PLPPR1: variants seen among roughly 807,000 people sequenced by gnomAD.
PLPPR1 encodes the protein phospholipid phosphatase-related protein type 1.
In PLPPR1, 10 loss-of-function variants were observed where a neutral mutation model predicts 33.1. The observed-to-expected ratio is 0.30, with a 90% CI of 0.19 to 0.51. The LOEUF is 0.51. PLPPR1 is among the 20% of genes least tolerant of loss of function. The probability of loss-of-function intolerance (pLI) is 0.97; values close to 1 mark genes in which losing one functional copy is unlikely to be tolerated. For synonymous variants in PLPPR1, 151 were observed against 151.0 expected (o/e 1.00, Z 0.00); for missense variants, 304 against 408.1 (o/e 0.74, Z 2.20).
chr9:101,233,071 C>G (rs1360698743), intron 2 of PLPPR1, among the ~76,000 whole-genome samples: 2 of 151,996 alleles, frequency 1.3e-5, no homozygotes, highest in East Asian at 3.9e-4. Flanking sequence ...ATACATAGGA[C>G]TAATCTTTCC....
intron 1 of PLPPR1, among the ~76,000 whole-genome samples, chr9:101,036,437 T>C (rs1287977529): frequency 6.6e-6 from 1 of 152,106 alleles, no homozygotes; most frequent in Non-Finnish European, 1.5e-5. Context: ...TATTTATCTC[T>C]TTGTCTTAGG....
In PLPPR1 at chr9:101,131,492, G is replaced by A. The variant is rs539942189; in HGVS notation, c.-45-53958G>A. On this transcript the variant is annotated intron_variant, in intron 1 of 7. Transcript: ENST00000374874. ...GGGGCCACCTGAGGAGGACTTTTAG[G>A]ACTCAGAAGTTCTATTAGGGAAGTA... 4.6e-5 allele frequency: 7 copies of A among 152,300 alleles called. No homozygotes were observed. The East Asian group carries it at 1.2e-3, about 25-fold the overall frequency. 9.4% of individuals were successfully genotyped at this position (152,300 alleles called of 1,614,324 possible).
At chr9:101,109,692 A>T (rs1290715968) in intron 1 of PLPPR1, among the ~76,000 whole-genome samples, 1 of 152,230 alleles carries the variant, frequency 6.6e-6, no homozygotes, top group Non-Finnish European at 1.5e-5. Flanking sequence ...GCAAGATCTT[A>T]TAATTTAGTA....
At chr9:101,290,952 G>A (rs1034868020) in intron 4 of PLPPR1, among the ~76,000 whole-genome samples, 24 of 152,302 alleles carry the variant, frequency 1.6e-4, no homozygotes, top group African/African-American at 5.1e-4. Flanking sequence ...TGGGTGCAGC[G>A]CACCAAGCGC....
At chr9:101,237,844 ATG>A (rs201614576) in intron 2 of PLPPR1, among the ~76,000 whole-genome samples, 7,762 of 105,916 alleles carry the variant, frequency 0.073, 347 homozygotes, top group South Asian at 0.21. Flanking sequence ...TATGCTATAT[ATG>A]TGTGTGTGTA....
intron 1 of PLPPR1, among the ~76,000 whole-genome samples, chr9:101,128,792 C>T (rs576834847): frequency 1.3e-5 from 2 of 152,272 alleles, no homozygotes; most frequent in South Asian, 4.1e-4. Flanking sequence ...ACATAACCCT[C>T]TGTGATGAGG....
intron 1 of PLPPR1, among the ~76,000 whole-genome samples, chr9:101,176,661 G>C (rs975873787): frequency 1.3e-5 from 2 of 151,796 alleles, no homozygotes; most frequent in Non-Finnish European, 2.9e-5. Flanking sequence ...ATGTATAATA[G>C]GAGGCCAAGT....
At chr9:101,118,564 T>C (rs1210770677) in intron 1 of PLPPR1, among the ~76,000 whole-genome samples, 1 of 152,176 alleles carries the variant, frequency 6.6e-6, no homozygotes, top group African/African-American at 2.4e-5. Context: ...GAATTTCAGT[T>C]GGACCAGCAG....
chr9:101,269,737 C>T lies in PLPPR1; in HGVS notation c.64-143C>T, dbSNP rs1828059240. 8 of 731,292 alleles carry T rather than the reference C, an allele frequency of 1.1e-5. No individual in the cohort carries two copies. In the Admixed American group the frequency reaches 1.4e-4, roughly 13 times the overall value. The allele number at this position is 731,292 out of a possible 1,614,324, so 45.3% of individuals were successfully genotyped here. A position where few individuals can be genotyped will look rare whatever the true frequency, so the allele number is the denominator to read the frequency against. On this transcript the variant is annotated intron_variant, in intron 2 of 7. Transcript: ENST00000374874. ...GACAAGCAAGCACACACTCCCAGAGCACGCTGCGCCTGGCACGCACACACT... is the reference window on the plus strand; with the variant it reads ...GACAAGCAAGCACACACTCCCAGAGTACGCTGCGCCTGGCACGCACACACT...
intron 1 of PLPPR1, among the ~76,000 whole-genome samples, chr9:101,138,715 A>G (rs185033172): frequency 2.6e-5 from 4 of 152,324 alleles, no homozygotes; most frequent in Admixed American, 2.6e-4. Flanking sequence ...TGCCTGATTT[A>G]ATGCTCACAA....
At chr9:101,160,951 T>C (rs1447191936) in intron 1 of PLPPR1, among the ~76,000 whole-genome samples, 1 of 152,186 alleles carries the variant, frequency 6.6e-6, no homozygotes, top group African/African-American at 2.4e-5. Context: ...CTTCAGCTAT[T>C]AAAGCTGTCC....
intron 2 of PLPPR1, among the ~76,000 whole-genome samples, chr9:101,244,577 TAA>T (rs34408237): frequency 6.6e-6 from 1 of 151,448 alleles, no homozygotes; most frequent in Admixed American, 6.6e-5. Context: ...CTCTATGATT[TAA>T]AAAAAAATTC....
rs541166726 is a variant in PLPPR1 at position 101,231,083 on chromosome 9, T to TTG, written c.64-38796_64-38795insGT. On this transcript the variant is annotated intron_variant, in intron 2 of 7. Transcript: ENST00000374874. ...CCCTATTAATAATGACTTGATGAGG[T>TTG]TAAGTGAATTGTCCAAGCTTACACA... 4.1e-3 allele frequency among the ~76,000 whole-genome samples: 628 copies of TTG among 151,968 alleles called. 4 individuals carry two copies. The highest frequency in any genetic ancestry group is 0.015 in the African/African-American group (606 of 41,476).
At chr9:101,214,402 G>A (rs1318260303) in intron 2 of PLPPR1, among the ~76,000 whole-genome samples, 1 of 152,064 alleles carries the variant, frequency 6.6e-6, no homozygotes, top group Non-Finnish European at 1.5e-5. Context: ...TATGTGATAG[G>A]TGTGTAGATA....
At chr9:101,172,353 G>GAAAA (rs55644832) in intron 1 of PLPPR1, among the ~76,000 whole-genome samples, 1 of 148,292 alleles carries the variant, frequency 6.7e-6, no homozygotes, top group Non-Finnish European at 1.5e-5. Flanking sequence ...CACTAAAGGG[G>GAAAA]AAAAAAAAAA....
intron 1 of PLPPR1, among the ~76,000 whole-genome samples, chr9:101,034,406 T>C (rs1299059671): frequency 6.6e-6 from 1 of 152,172 alleles, no homozygotes; most frequent in Non-Finnish European, 1.5e-5. Flanking sequence ...CTGAGTGCCA[T>C]ACCTCAATGG....
chr9:101,048,268 A>G (rs910820344), intron 1 of PLPPR1, among the ~76,000 whole-genome samples: 1 of 152,214 alleles, frequency 6.6e-6, no homozygotes, highest in East Asian at 1.9e-4. Flanking sequence ...GGGGCTCCTG[A>G]AAAGCAAAAT....
chr9:101,226,960 G>C (rs1819372), intron 2 of PLPPR1, among the ~76,000 whole-genome samples: 77,132 of 151,916 alleles, frequency 0.51, 21,813 homozygotes, highest in African/African-American at 0.78. Flanking sequence ...AGCGGAACCT[G>C]AAAGGTGATG....
At chr9:101,196,463 A>C (rs1039177606) in intron 2 of PLPPR1, among the ~76,000 whole-genome samples, 1 of 152,236 alleles carries the variant, frequency 6.6e-6, no homozygotes, top group African/African-American at 2.4e-5. Context: ...TTATCACAAA[A>C]TTGTTAATAA....
Sources: gnomAD v4.1 joint callset for allele counts (sites outside exome capture counted in the v4.1 genomes callset) on GRCh38, gnomAD v4.1.1 for gene constraint, MANE v1.5 for transcripts, NCBI Gene and HGNC (gene_info 2026-07-23, HGNC 2026-07-21) for gene names.